MYPN: variants seen among roughly 807,000 people sequenced by gnomAD.
MYPN encodes sarcomeric protein myopalladin, 145 kDa (MYOP).
Under a neutral mutation model 129.4 loss-of-function variants are expected in MYPN, and 63 were observed. The observed-to-expected ratio is 0.49, with a 90% CI of 0.40 to 0.60. The LOEUF (loss-of-function observed/expected upper bound fraction) is 0.60. Among genes scored for constraint, MYPN ranks in the 20% least tolerant of loss-of-function variants. The pLI, the probability that MYPN is intolerant of heterozygous loss-of-function variation, is 0.00. For missense variants in MYPN, 1,596 were observed against 1,635.4 expected, an observed-to-expected ratio of 0.98 and a Z score of 0.42; for synonymous variants, 629 against 600.9, an observed-to-expected ratio of 1.05 and a Z score of -0.68.
intron 15 of MYPN, among the ~76,000 whole-genome samples, chr10:68,197,048 A>G (rs2043619080): frequency 1.3e-5 from 2 of 152,200 alleles, no homozygotes; most frequent in Admixed American, 1.3e-4. Flanking sequence ...TGGCTTTTGA[A>G]TAACTGGTCG....
intron 1 of MYPN, among the ~76,000 whole-genome samples, chr10:68,088,039 T>A (rs1319559351): frequency 6.6e-6 from 1 of 152,164 alleles, no homozygotes; most frequent in Admixed American, 6.5e-5. Flanking sequence ...AGCAAGAGAT[T>A]TCTTAAGGGG....
intron 1 of MYPN, among the ~76,000 whole-genome samples, chr10:68,096,367 G>C (rs867779927): frequency 7.2e-5 from 11 of 152,156 alleles, no homozygotes; most frequent in African/African-American, 2.7e-4. Context: ...TTCAAGACCA[G>C]CCTGGCCAAT....
At chr10:68,090,153 A>T (rs1176339982) in intron 1 of MYPN, among the ~76,000 whole-genome samples, 3 of 152,024 alleles carry the variant, frequency 2.0e-5, no homozygotes, top group Non-Finnish European at 4.4e-5. Flanking sequence ...TGCTTTGAAC[A>T]TACTACTCAA....
chr10:68,121,429 T>C lies in MYPN; in HGVS notation c.-1-9T>C. 6.2e-7 allele frequency: 1 copy of C among 1,606,736 alleles called. No individual in the cohort carries two copies. Among genetic ancestry groups the C allele is most frequent in the Non-Finnish European group, 8.5e-7 (1 of 1,177,036 alleles). ...ATCCAAACTTTTTGTTATTATTATT[T>C]TGTGACAGCATGCAAGACGACAGCA... On this transcript the variant is annotated splice_polypyrimidine_tract_variant and intron_variant, in intron 1 of 19. Transcript: ENST00000358913.
chr10:68,188,527 C>G (rs1226872676), intron 12 of MYPN, among the ~76,000 whole-genome samples: 2 of 151,924 alleles, frequency 1.3e-5, no homozygotes, highest in Non-Finnish European at 2.9e-5. Context: ...GCTGGTGATG[C>G]AGGCATGTAT....
chr10:68,128,520 A>G (rs1431501754), intron 2 of MYPN, among the ~76,000 whole-genome samples: 1 of 152,148 alleles, frequency 6.6e-6, no homozygotes, highest in East Asian at 1.9e-4. Context: ...TCATCCAACA[A>G]ATATTAAGTG....
intron 1 of MYPN, among the ~76,000 whole-genome samples, chr10:68,117,634 T>C (rs572518571): frequency 6.6e-6 from 1 of 152,296 alleles, no homozygotes; most frequent in African/African-American, 2.4e-5. Flanking sequence ...GAGACTGTAT[T>C]TCAATAGAAT....
intron 18 of MYPN, among the ~76,000 whole-genome samples, chr10:68,205,226 T>C (rs931841222): frequency 1.4e-4 from 21 of 152,230 alleles, no homozygotes; most frequent in Non-Finnish European, 1.5e-5. Flanking sequence ...TCCTTCTTGA[T>C]GCCTGTGGCT....
intron 18 of MYPN, among the ~76,000 whole-genome samples, chr10:68,203,257 G>T (rs1251102946): frequency 6.6e-6 from 1 of 152,092 alleles, no homozygotes; most frequent in African/African-American, 2.4e-5. Flanking sequence ...TCTTCCCCCT[G>T]CCTTTAGTGA....
At chr10:68,123,529 A>G (rs2042280894) in intron 2 of MYPN, among the ~76,000 whole-genome samples, 1 of 151,058 alleles carries the variant, frequency 6.6e-6, no homozygotes, top group Non-Finnish European at 1.5e-5. Flanking sequence ...ACAAAAAAAA[A>G]AAAAAAATTA....
At chr10:68,169,833 G>A (rs1373753984) in intron 10 of MYPN, among the ~76,000 whole-genome samples, 1 of 151,850 alleles carries the variant, frequency 6.6e-6, no homozygotes, top group Non-Finnish European at 1.5e-5. Flanking sequence ...TCTGCCTTCC[G>A]GGTTCAAGCA....
At chr10:68,111,319 G>A (rs760166302) in intron 1 of MYPN, among the ~76,000 whole-genome samples, 8 of 152,268 alleles carry the variant, frequency 5.3e-5, no homozygotes, top group South Asian at 2.1e-4. Flanking sequence ...GTTCCTACAC[G>A]TAATAGGAAT....
In MYPN at chr10:68,197,478, G is replaced by A; in HGVS notation, c.3285G>A (p.Lys1095=). 1 of 1,613,550 alleles carries A rather than the reference G, an allele frequency of 6.2e-7. No individual in the cohort carries two copies. The highest frequency in any genetic ancestry group is 8.5e-7 in the Non-Finnish European group (1 of 1,179,728). The change falls in exon 16 of 20, where the codon AAG becomes AAA. Residue 1095 remains lysine, a splice_region_variant and synonymous_variant. Coordinates refer to ENST00000358913, the MANE Select transcript of MYPN (RefSeq NM_032578.4). ...GGCGCCTCTGTCGGCTGGACTGTAA[G>A]GTAGACTCCAGCACCCATGCTTAGT... ...HEGRLCRLDC[K]VSGLPPPELT...
At chr10:68,114,338 T>C (rs2042122928) in intron 1 of MYPN, 1 of 129,070 alleles carries the variant, frequency 7.7e-6, no homozygotes, top group Non-Finnish European at 1.6e-5. Context: ...CTGACTCTCT[T>C]TTTTTTTTCT....
At chr10:68,206,119 A>T (rs1200750910) in intron 18 of MYPN, among the ~76,000 whole-genome samples, 1 of 152,064 alleles carries the variant, frequency 6.6e-6, no homozygotes, top group Non-Finnish European at 1.5e-5. Context: ...TGTAGGGAAC[A>T]TGTGGCCCTA....
chr10:68,106,753 C>G (rs746813902), upstream of MYPN: 2 of 717,234 alleles, frequency 2.8e-6, no homozygotes, highest in Non-Finnish European at 5.2e-6. Context: ...AAGACTTCCT[C>G]TGCCATAGAA....
intron 1 of MYPN, among the ~76,000 whole-genome samples, chr10:68,093,208 G>T (rs998913518): frequency 6.6e-6 from 1 of 152,050 alleles, no homozygotes; most frequent in Non-Finnish European, 1.5e-5. Context: ...TTGGAAAAAG[G>T]AGGCCTCATC....
intron 1 of MYPN, among the ~76,000 whole-genome samples, chr10:68,120,762 T>G (rs10509294): frequency 6.6e-6 from 1 of 152,136 alleles, no homozygotes; most frequent in Non-Finnish European, 1.5e-5. Flanking sequence ...TCTCTGTGTA[T>G]GAAAGCACTG....
chr10:68,209,950 C>A (rs2043880807), intron 19 of MYPN, among the ~76,000 whole-genome samples: 1 of 152,106 alleles, frequency 6.6e-6, no homozygotes, highest in African/African-American at 2.4e-5. Flanking sequence ...TTTTCAGCCT[C>A]CCAAAGTGCT....
Sources: allele counts gnomAD v4.1 joint callset (sites outside exome capture counted in the v4.1 genomes callset), GRCh38; gene constraint gnomAD v4.1.1; transcripts MANE v1.5; gene names NCBI Gene and HGNC (gene_info 2026-07-23, HGNC 2026-07-21).